The following BAIAP2L2 variants were observed in gnomAD, a reference collection of about 807,000 sequenced individuals.
The protein encoded by BAIAP2L2 is BAR/IMD domain-containing adapter protein 2-like 2.
In BAIAP2L2, 65 loss-of-function variants were observed where a neutral mutation model predicts 60.4. That is an observed-to-expected ratio of 1.08 (90% CI 0.88 to 1.32). BAIAP2L2 has a LOEUF of 1.32. Ranked by LOEUF, BAIAP2L2 falls within the 40% of genes most tolerant of loss-of-function variation. The pLI is 0.00. For synonymous variants in BAIAP2L2, 344 were observed against 301.7 expected, an observed-to-expected ratio of 1.14 and a Z score of -1.45; for missense variants, 836 against 741.2, an observed-to-expected ratio of 1.13 and a Z score of -1.48.
chr22:38,092,749 A>AC (rs898359253), intron 7 of BAIAP2L2, among the ~76,000 whole-genome samples: 7 of 145,144 alleles, frequency 4.8e-5, no homozygotes, highest in South Asian at 2.3e-4. Flanking sequence ...TTGAAATCTG[A>AC]CCCCCCAGTG....
chr22:38,103,886 C>T (rs1373409288), intron 4 of BAIAP2L2, among the ~76,000 whole-genome samples: 1 of 149,048 alleles, frequency 6.7e-6, no homozygotes, highest in Non-Finnish European at 1.5e-5. Context: ...AAAGAAGCTT[C>T]CACTGGCCAA....
At chr22:38,098,031 C>CCCCCCCCATA in intron 6 of BAIAP2L2, 32 bp downstream of exon 6, 1 of 919,600 alleles carries the variant, frequency 1.1e-6, no homozygotes, top group East Asian at 3.1e-5. Flanking sequence ...ACCCGCCCTT[C>CCCCCCCCATA]CTGGCCCACC....
At chr22:38,110,436 G>A (rs769342219) in intron 1 of BAIAP2L2, 39 bp downstream of exon 1, 1 of 1,597,454 alleles carries the variant, frequency 6.3e-7, no homozygotes, top group Non-Finnish European at 8.6e-7. Flanking sequence ...TGCCCTGGGA[G>A]GAGGGGCTCA....
chr22:38,090,420 C>T (rs2086270479), intron 7 of BAIAP2L2: 1 of 152,020 alleles, frequency 6.6e-6, no homozygotes, highest in Admixed American at 6.6e-5. Flanking sequence ...CCTAAAACTT[C>T]TTTCAATGGC....
chr22:38,109,768 C>G (rs974476230), intron 1 of BAIAP2L2, among the ~76,000 whole-genome samples: 1 of 152,020 alleles, frequency 6.6e-6, no homozygotes, highest in Non-Finnish European at 1.5e-5. Context: ...TGGACTTGGG[C>G]CTGGACTTGG....
At chr22:38,094,092 G>A (rs2086370910) in intron 7 of BAIAP2L2, 1 of 437,156 alleles carries the variant, frequency 2.3e-6, no homozygotes, top group African/African-American at 2.0e-5. Flanking sequence ...TATATGAAAT[G>A]TCCAGAATGG....
At chr22:38,107,132 T>A (rs1374820469) in intron 4 of BAIAP2L2, among the ~76,000 whole-genome samples, 1 of 152,032 alleles carries the variant, frequency 6.6e-6, no homozygotes, top group Non-Finnish European at 1.5e-5. Context: ...ACAAAACTAG[T>A]CACTGGTGAA....
rs770174913 is a variant in BAIAP2L2, at chr22:38,097,193, G to A, written c.466-15C>T. 3.1e-5 allele frequency: 50 copies of A among 1,609,304 alleles called. No individual in the cohort carries two copies. In the South Asian group the frequency reaches 4.6e-4, roughly 15 times the overall value. ...TTCACACTCTCCTGGGGGGGAACGG[G>A]AGTTCTGGCTGGGGGCGGTGGGTGT... is the stretch of plus-strand genomic sequence containing the variant. On this transcript the variant is annotated splice_polypyrimidine_tract_variant and intron_variant, in intron 6 of 13. Transcript: ENST00000381669.
Position 38,109,292 on chromosome 22 carries a change from T to C in BAIAP2L2, c.52-84A>G, listed in dbSNP as rs572113798. The C allele has an allele frequency of 1.1e-5, 13 of 1,134,668 alleles. No homozygotes were observed. The South Asian group carries it at 1.4e-4, about 13-fold the overall frequency. The allele number at this position is 1,134,668 out of a possible 1,614,324, so 70.3% of individuals were successfully genotyped here. On this transcript the variant is annotated intron_variant, in intron 1 of 13. Transcript: ENST00000381669. ...ACGGATGGAGTCAAGTCACCAGGCG[T>C]CAGGGACAGGGCACCCCCAGCCCAG...
At chr22:38,093,259 G>T (rs541106268) in intron 7 of BAIAP2L2, among the ~76,000 whole-genome samples, 3 of 152,346 alleles carry the variant, frequency 2.0e-5, no homozygotes, top group Non-Finnish European at 4.4e-5. Context: ...TGCCATGATT[G>T]TAAGCTTCTA....
In BAIAP2L2 at chr22:38,088,864, G is replaced by A. The variant is rs1233832862; in HGVS notation, c.1002C>T (p.Ser334=). The change falls in exon 10 of 14, where the codon TCC becomes TCT. Residue 334 remains serine (S), a synonymous_variant. Transcript: ENST00000381669. ...GGARRVRALV[S]HSEGANHTLL... ...GCGTGTGGTTGGCGCCCTCCGAGTG[G>A]GAGACCAGGGCGCGGACTCTCCTGG... The A allele has an allele frequency of 6.3e-7, 1 of 1,595,078 alleles. No individual in the cohort carries two copies. The highest frequency in any genetic ancestry group is 8.5e-7 in the Non-Finnish European group (1 of 1,178,066).
At chr22:38,093,930 G>A (rs2086367067) in intron 7 of BAIAP2L2, 3 of 456,516 alleles carry the variant, frequency 6.6e-6, no homozygotes, top group South Asian at 4.6e-5. Context: ...CAGCCAAAGA[G>A]TGGAAACAAC....
chr22:38,085,590 C>A, intron 13 of BAIAP2L2, 96 bp downstream of exon 13: 1 of 1,438,378 alleles, frequency 7.0e-7, no homozygotes, highest in South Asian at 1.2e-5. Context: ...ATCAAGAGAT[C>A]CTCCTGCCCC....
chr22:38,087,325 A>AAGAAGACATCCTCCCCTCAG (rs1275376636), intron 10 of BAIAP2L2, 61 bp from the exon 11 acceptor site: 1 of 1,553,798 alleles, frequency 6.4e-7, no homozygotes, highest in Non-Finnish European at 8.6e-7. Flanking sequence ...CAATGACCAA[A>AAGAAGACATCCTCCCCTCAG]AGAAGACATC....
rs765946028 is a variant in BAIAP2L2, at chr22:38,085,366, A to G, written c.1524T>C (p.Asn508=). 6.2e-7 allele frequency: 1 copy of G among 1,613,568 alleles called. No individual in the cohort carries two copies. Among genetic ancestry groups the G allele is most frequent in the Non-Finnish European group, 8.5e-7 (1 of 1,179,778 alleles). ...PPQELFPRGT[N]PFATVKLRPT... The stretch of plus-strand genomic sequence containing the variant: ...GACGAAGCTTGACAGTGGCAAAAGG[A>G]TTTGTGCCCCTGTAGGAGGAGAGAG... Residue 508 remains asparagine, a synonymous_variant, in exon 14 of 14, where the codon AAT becomes AAC. Coordinates refer to ENST00000381669, the MANE Select transcript of BAIAP2L2 (RefSeq NM_025045.6).
chr22:38,086,510 G>A, intron 11 of BAIAP2L2, 61 bp from the exon 12 acceptor site: 2 of 1,313,602 alleles, frequency 1.5e-6, no homozygotes, highest in Non-Finnish European at 2.0e-6. Context: ...CCCTTGTCCT[G>A]CCAGTAGCTG....
chr22:38,090,585 T>C (rs2086274322), intron 7 of BAIAP2L2: 1 of 152,204 alleles, frequency 6.6e-6, no homozygotes, highest in South Asian at 2.1e-4. Flanking sequence ...GCTCCCTTTG[T>C]CGAGCAGTGA....
chr22:38,100,158 G>A (rs186223931), intron 4 of BAIAP2L2, among the ~76,000 whole-genome samples: 108 of 152,278 alleles, frequency 7.1e-4, no homozygotes, highest in African/African-American at 2.6e-3. Context: ...AGAAATGCCA[G>A]GTAGATGCTT....
chr22:38,091,171 C>T (rs2086289359), intron 7 of BAIAP2L2: 1 of 152,298 alleles, frequency 6.6e-6, no homozygotes, highest in Non-Finnish European at 1.5e-5. Context: ...GATTATTCTG[C>T]CTCAGCTTCC....
Sources: gnomAD v4.1 joint callset for allele counts (sites outside exome capture counted in the v4.1 genomes callset) on GRCh38, gnomAD v4.1.1 for gene constraint, MANE v1.5 for transcripts, NCBI Gene and HGNC (gene_info 2026-07-23, HGNC 2026-07-21) for gene names.